SPOCK3: variants seen among roughly 807,000 people sequenced by gnomAD.
SPOCK3 encodes the protein testican-3.
SPOCK3 carries 30 observed loss-of-function variants against 56.6 expected under a neutral mutation model. The observed-to-expected ratio is 0.53, with a 90% CI of 0.40 to 0.72. SPOCK3 has a LOEUF of 0.72. Ranked by LOEUF, SPOCK3 falls within the 30% of genes least tolerant of loss-of-function variation. The pLI, the probability that SPOCK3 is intolerant of heterozygous loss-of-function variation, is 0.00. For missense variants in SPOCK3, 527 were observed against 530.0 expected, an observed-to-expected ratio of 0.99 and a Z score of 0.06; for synonymous variants, 196 against 183.3, an observed-to-expected ratio of 1.07 and a Z score of -0.56.
intron 4 of SPOCK3, among the ~76,000 whole-genome samples, chr4:166,917,496 C>T (rs759597490): frequency 3.3e-5 from 5 of 151,966 alleles, no homozygotes; most frequent in Non-Finnish European, 7.4e-5. Flanking sequence ...ATTGGTCTTC[C>T]GACAGTAGCT....
At chr4:167,171,908 C>G (rs1289327427) in intron 2 of SPOCK3, among the ~76,000 whole-genome samples, 1 of 151,382 alleles carries the variant, frequency 6.6e-6, no homozygotes, top group Non-Finnish European at 1.5e-5. Flanking sequence ...TTACCACCCC[C>G]CACTCCCCCC....
intron 2 of SPOCK3, among the ~76,000 whole-genome samples, chr4:167,221,609 G>A (rs1467455008): frequency 6.6e-6 from 1 of 152,028 alleles, no homozygotes; most frequent in Non-Finnish European, 1.5e-5. Context: ...TACCAAAAAG[G>A]AAAACATGTA....
At chr4:166,968,961 A>C (rs12019282) in intron 4 of SPOCK3, among the ~76,000 whole-genome samples, 52,940 of 151,994 alleles carry the variant, frequency 0.35, 10,981 homozygotes, top group African/African-American at 0.59. Flanking sequence ...TGACAGCTCA[A>C]CCCTTGCACC....
chr4:167,002,660 T>C (rs1749058059), intron 3 of SPOCK3, among the ~76,000 whole-genome samples: 1 of 152,144 alleles, frequency 6.6e-6, no homozygotes, highest in African/African-American at 2.4e-5. Context: ...CAAATGTAAA[T>C]TGCTACAACA....
intron 4 of SPOCK3, among the ~76,000 whole-genome samples, chr4:166,913,389 T>C (rs1006219737): frequency 1.4e-4 from 21 of 152,280 alleles, no homozygotes; most frequent in African/African-American, 4.6e-4. Flanking sequence ...TTTGGTTAAA[T>C]TGCTTTATTC....
At chr4:167,130,391 AG>A (rs1762610422) in intron 2 of SPOCK3, among the ~76,000 whole-genome samples, 2 of 152,172 alleles carry the variant, frequency 1.3e-5, no homozygotes, top group Admixed American at 6.5e-5. Context: ...TTACATAACT[AG>A]TGGGTAATAT....
intron 3 of SPOCK3, among the ~76,000 whole-genome samples, chr4:167,032,264 A>ATGCT (rs1752344463): frequency 6.6e-6 from 1 of 151,980 alleles, no homozygotes; most frequent in South Asian, 2.1e-4. Context: ...CAGTATAAAG[A>ATGCT]TGCTCAGTTA....
intron 5 of SPOCK3, among the ~76,000 whole-genome samples, chr4:166,904,251 G>T (rs1186105715): frequency 6.6e-6 from 1 of 151,902 alleles, no homozygotes; most frequent in Non-Finnish European, 1.5e-5. Context: ...GTTAGTGTAT[G>T]TTATATATCT....
At chr4:166,769,059 T>C (rs1371590450) in intron 7 of SPOCK3, among the ~76,000 whole-genome samples, 1 of 152,216 alleles carries the variant, frequency 6.6e-6, no homozygotes, top group East Asian at 1.9e-4. Flanking sequence ...AGGACTTCTC[T>C]ACAGTGGTTA....
At chr4:166,749,627 A>G (rs1040750095) in intron 8 of SPOCK3, among the ~76,000 whole-genome samples, 1 of 152,086 alleles carries the variant, frequency 6.6e-6, no homozygotes. Flanking sequence ...CCTAGAACTT[A>G]AAGTATGATA....
At chr4:167,049,420 T>C (rs1006926180) in intron 3 of SPOCK3, among the ~76,000 whole-genome samples, 1 of 152,178 alleles carries the variant, frequency 6.6e-6, no homozygotes, top group Non-Finnish European at 1.5e-5. Context: ...TTAGAGGGTT[T>C]ACGTGAAAGC....
chr4:167,009,156 A>G (rs1749769992), intron 3 of SPOCK3, among the ~76,000 whole-genome samples: 1 of 152,038 alleles, frequency 6.6e-6, no homozygotes, highest in South Asian at 2.1e-4. Flanking sequence ...ATTAAAAAAT[A>G]TTAACAAACA....
chr4:166,939,815 A>C (rs1272879087), intron 4 of SPOCK3, among the ~76,000 whole-genome samples: 2 of 152,200 alleles, frequency 1.3e-5, no homozygotes, highest in African/African-American at 2.4e-5. Context: ...AGCTGTTCCA[A>C]CAAATATATT....
At chr4:166,934,372 C>T (rs988418543) in intron 4 of SPOCK3, among the ~76,000 whole-genome samples, 2 of 151,300 alleles carry the variant, frequency 1.3e-5, no homozygotes, top group Admixed American at 6.6e-5. Context: ...GTGGGGGGCA[C>T]CTGTAGTCCA....
intron 7 of SPOCK3, among the ~76,000 whole-genome samples, chr4:166,777,814 A>G (rs141106841): frequency 6.6e-6 from 1 of 152,296 alleles, no homozygotes; most frequent in East Asian, 1.9e-4. Context: ...TCTACCATTT[A>G]CTGTGTGACT....
rs1185234560 is a variant in SPOCK3, at chr4:166,767,346, C to A, written c.710-12617G>T. Among the ~76,000 whole-genome samples the A allele has an allele frequency of 1.1e-4, 17 of 152,028 alleles. 1 individual carries two copies. The highest frequency in any genetic ancestry group is 6.2e-4 in the South Asian group (3 of 4,816). On this transcript the variant is annotated intron_variant, in intron 7 of 10. Transcript: ENST00000357545. Reference sequence around the variant, plus strand: ...CATTTAGTGCTATAAATTTCCCTCTCCACACTGCTTTAAATGTGTCCCAGA... The same window carrying A: ...CATTTAGTGCTATAAATTTCCCTCTACACACTGCTTTAAATGTGTCCCAGA...
intron 2 of SPOCK3, among the ~76,000 whole-genome samples, chr4:167,076,700 A>G (rs1238324228): frequency 6.6e-6 from 1 of 151,792 alleles, no homozygotes; most frequent in Non-Finnish European, 1.5e-5. Flanking sequence ...AAACTGTACA[A>G]ACTGCCTATT....
chr4:167,166,668 T>C (rs879728520), intron 2 of SPOCK3, among the ~76,000 whole-genome samples: 3 of 152,058 alleles, frequency 2.0e-5, no homozygotes, highest in Admixed American at 2.0e-4. Flanking sequence ...GGAAGGTAAA[T>C]GGTCTGTTGA....
At chr4:166,980,955 T>C (rs536614813) in intron 4 of SPOCK3, among the ~76,000 whole-genome samples, 1 of 152,276 alleles carries the variant, frequency 6.6e-6, no homozygotes, top group Admixed American at 6.5e-5. Flanking sequence ...GTGCTAAAGC[T>C]CTTTCAGTTC....
Sources: gnomAD v4.1 joint callset for allele counts (sites outside exome capture counted in the v4.1 genomes callset) on GRCh38, gnomAD v4.1.1 for gene constraint, MANE v1.5 for transcripts, NCBI Gene and HGNC (gene_info 2026-07-23, HGNC 2026-07-21) for gene names.